TRPM8: variants seen among roughly 807,000 people sequenced by gnomAD.
TRPM8 encodes the protein transient receptor potential cation channel subfamily M member 8, also known as TRPM8 cationic channel.
Under a neutral mutation model 133.7 loss-of-function variants are expected in TRPM8, and 110 were observed. That is an observed-to-expected ratio of 0.82 (90% CI 0.70 to 0.96). The LOEUF (loss-of-function observed/expected upper bound fraction) is 0.96, where lower values mean the gene tolerates loss of function less well. Among genes scored for constraint, TRPM8 ranks in the 40% least tolerant of loss-of-function variants. TRPM8 has a pLI of 0.00. For synonymous variants in TRPM8, 535 were observed against 532.3 expected (o/e 1.01, Z -0.07); for missense variants, 1,291 against 1,379.5 (o/e 0.94, Z 1.02).
intron 6 of TRPM8, chr2:233,943,064 TA>T: frequency 1.0e-5 from 4 of 389,694 alleles, no homozygotes; most frequent in Non-Finnish European, 1.8e-5. Context: ...CCAACTGCAG[TA>T]TCTTTTTTTT....
intron 12 of TRPM8, among the ~76,000 whole-genome samples, chr2:233,961,630 C>CTTT (rs57935574): frequency 1.8e-5 from 2 of 111,660 alleles, no homozygotes; most frequent in Non-Finnish European, 3.7e-5. Context: ...CTTTTCTTTT[C>CTTT]TTTTTTTTTT....
intron 1 of TRPM8, among the ~76,000 whole-genome samples, chr2:233,921,961 C>G (rs1173365813): frequency 6.6e-6 from 1 of 152,014 alleles, no homozygotes; most frequent in Middle Eastern, 3.4e-3. Context: ...GCGTGAGCCA[C>G]CATGCCCGGC....
chr2:233,985,570 T>A, intron 20 of TRPM8, 118 bp from the exon 21 acceptor site: 1 of 966,804 alleles, frequency 1.0e-6, no homozygotes. Context: ...ACAAAGTGCC[T>A]TAGACGAAGG....
chr2:233,990,421 T>G (rs530756364), intron 21 of TRPM8, among the ~76,000 whole-genome samples: 5 of 152,278 alleles, frequency 3.3e-5, no homozygotes, highest in African/African-American at 1.2e-4. Flanking sequence ...GGATCTCCCT[T>G]TATGGGAAAT....
At chr2:233,923,049 G>A (rs1171282648) in intron 1 of TRPM8, among the ~76,000 whole-genome samples, 1 of 151,912 alleles carries the variant, frequency 6.6e-6, no homozygotes, top group Non-Finnish European at 1.5e-5. Flanking sequence ...TTTTGTTGTT[G>A]TTGTTAGAGA....
At chr2:233,918,130 G>T (rs1180397873) in intron 1 of TRPM8, among the ~76,000 whole-genome samples, 1 of 152,052 alleles carries the variant, frequency 6.6e-6, no homozygotes, top group Non-Finnish European at 1.5e-5. Flanking sequence ...TAAGGAAATG[G>T]TTATTCCTTA....
chr2:233,970,682 G>A, intron 17 of TRPM8: 1 of 525,060 alleles, frequency 1.9e-6, no homozygotes, highest in South Asian at 2.1e-5. Flanking sequence ...AGTCAGGAAT[G>A]GGGGAGTGTT....
intron 21 of TRPM8, among the ~76,000 whole-genome samples, chr2:233,987,748 A>G (rs556001562): frequency 6.6e-6 from 1 of 152,374 alleles, no homozygotes; most frequent in South Asian, 2.1e-4. Context: ...GGAGGGACCC[A>G]GTGGGAGATA....
chr2:233,999,794 C>A (rs1692505247), intron 22 of TRPM8, among the ~76,000 whole-genome samples: 1 of 152,180 alleles, frequency 6.6e-6, no homozygotes, highest in Non-Finnish European at 1.5e-5. Flanking sequence ...CAATTTAGAA[C>A]ACAATTTTCT....
In TRPM8 at chr2:234,018,880, A is replaced by T. The variant is rs1009063765; in HGVS notation, c.*1624A>T. The T allele has an allele frequency of 2.0e-5, 3 of 150,534 alleles. No homozygotes were observed. The highest frequency in any genetic ancestry group is 3.2e-3 in the Middle Eastern group (1 of 316). 9.3% of individuals were successfully genotyped at this position (150,534 alleles called of 1,614,324 possible). ...AATAAATAAATAAATAAATAAATAAATATTATGGATGGTGAAGGGAATGGT... is the reference window on the plus strand; with the variant it reads ...AATAAATAAATAAATAAATAAATAATTATTATGGATGGTGAAGGGAATGGT... On this transcript the variant is annotated 3_prime_UTR_variant, in exon 26 of 26. Coordinates refer to ENST00000324695, the MANE Select transcript of TRPM8 (RefSeq NM_024080.5).
intron 17 of TRPM8, among the ~76,000 whole-genome samples, chr2:233,974,764 A>G (rs985742002): frequency 5.9e-5 from 9 of 152,204 alleles, no homozygotes; most frequent in South Asian, 2.1e-4. Context: ...AGCACACTGC[A>G]TGACTCAGGC....
At chr2:234,010,569 A>T (rs141569255) in intron 24 of TRPM8, among the ~76,000 whole-genome samples, 1 of 152,182 alleles carries the variant, frequency 6.6e-6, no homozygotes, top group East Asian at 1.9e-4. Flanking sequence ...ACTGTTTTCC[A>T]TAATAGCTAT....
intron 1 of TRPM8, among the ~76,000 whole-genome samples, chr2:233,918,605 C>T (rs547145852): frequency 1.6e-4 from 24 of 152,178 alleles, no homozygotes; most frequent in Admixed American, 9.2e-4. Flanking sequence ...TCAATGACTT[C>T]GGGAGCCTCC....
At chr2:233,979,918 C>T (rs1293297780) in intron 17 of TRPM8, among the ~76,000 whole-genome samples, 1 of 152,108 alleles carries the variant, frequency 6.6e-6, no homozygotes, top group Non-Finnish European at 1.5e-5. Context: ...CTGCAGGTTC[C>T]TCTTGAAAAA....
At position 233,980,291 on chromosome 2, in the gene TRPM8, C is replaced by G. The variant is rs115527347; in HGVS notation, c.2447+12C>G. The G allele has an allele frequency of 3.3e-5, 52 of 1,557,186 alleles. No homozygotes were observed. In the African/African-American group the frequency reaches 6.8e-4, roughly 20 times the overall value. Reference sequence around the variant, plus strand: ...GGAATTGTATTTCGGTAAGTAGTCTCATCACTTTTCCTAATTTTCTGTGTT... The same window carrying G: ...GGAATTGTATTTCGGTAAGTAGTCTGATCACTTTTCCTAATTTTCTGTGTT... On this transcript the variant is annotated intron_variant, in intron 18 of 25. Transcript: ENST00000324695.
intron 20 of TRPM8, 21 bp downstream of exon 20, chr2:233,983,245 A>T: frequency 6.2e-7 from 1 of 1,613,888 alleles, no homozygotes; most frequent in Non-Finnish European, 8.5e-7. Flanking sequence ...CTTGGCTCAG[A>T]TGGAAACAGC....
chr2:233,974,759 A>G (rs953010112), intron 17 of TRPM8, among the ~76,000 whole-genome samples: 2 of 152,170 alleles, frequency 1.3e-5, no homozygotes, highest in African/African-American at 4.8e-5. Flanking sequence ...GGAGCAGCAC[A>G]CTGCATGACT....
chr2:233,920,238 G>A (rs942930898), intron 1 of TRPM8, among the ~76,000 whole-genome samples: 3 of 152,106 alleles, frequency 2.0e-5, no homozygotes, highest in East Asian at 3.8e-4. Flanking sequence ...TAGGTCTATC[G>A]TGAAGTTTTG....
chr2:233,951,607 A>G (rs1300805356), intron 9 of TRPM8, among the ~76,000 whole-genome samples: 1 of 152,188 alleles, frequency 6.6e-6, no homozygotes, highest in Non-Finnish European at 1.5e-5. Context: ...AACTCATCTG[A>G]AATAGGCTAA....
Sources: allele counts gnomAD v4.1 joint callset (sites outside exome capture counted in the v4.1 genomes callset), GRCh38; gene constraint gnomAD v4.1.1; transcripts MANE v1.5; gene names NCBI Gene and HGNC (gene_info 2026-07-23, HGNC 2026-07-21).